The following DNAI4 variants were observed in gnomAD, a reference collection of about 807,000 sequenced individuals.
DNAI4 encodes WD repeat domain 78.
A neutral mutation model predicts 105.8 loss-of-function variants in DNAI4; 85 were observed. That is an observed-to-expected ratio of 0.80 (90% CI 0.67 to 0.96). The LOEUF (loss-of-function observed/expected upper bound fraction) is 0.96. Among genes scored for constraint, DNAI4 ranks in the 40% least tolerant of loss-of-function variants. The pLI, the probability that DNAI4 is intolerant of heterozygous loss-of-function variation, is 0.00. For missense variants in DNAI4, 1,014 were observed against 1,005.6 expected, an observed-to-expected ratio of 1.01 and a Z score of -0.11; for synonymous variants, 352 against 331.5, an observed-to-expected ratio of 1.06 and a Z score of -0.67.
At chr1:66,914,750 CTTCT>C (rs1649937372) in intron 1 of DNAI4, among the ~76,000 whole-genome samples, 1 of 151,874 alleles carries the variant, frequency 6.6e-6, no homozygotes, top group Admixed American at 6.6e-5. Flanking sequence ...ATAAAATGTC[CTTCT>C]ATTTGCATGC....
At chr1:66,885,359 A>G (rs1647171264) in intron 4 of DNAI4, among the ~76,000 whole-genome samples, 1 of 152,184 alleles carries the variant, frequency 6.6e-6, no homozygotes, top group South Asian at 2.1e-4. Context: ...CATTTCTTTC[A>G]GAGCTGGTCT....
intron 1 of DNAI4, among the ~76,000 whole-genome samples, chr1:66,918,854 A>G (rs948174641): frequency 1.3e-5 from 2 of 152,162 alleles, no homozygotes; most frequent in African/African-American, 4.8e-5. Context: ...CAAAATTACT[A>G]AGCTAAGGGA....
At chr1:66,833,963 G>T (rs1557904827) in intron 12 of DNAI4, 28 bp downstream of exon 12, 3 of 1,565,102 alleles carry the variant, frequency 1.9e-6, no homozygotes, top group Non-Finnish European at 2.6e-6. Flanking sequence ...CACGTAACAA[G>T]AAAAATATAA....
intron 4 of DNAI4, among the ~76,000 whole-genome samples, chr1:66,884,166 T>C (rs1647141308): frequency 6.6e-6 from 1 of 152,226 alleles, no homozygotes; most frequent in South Asian, 2.1e-4. Context: ...AGAATTTCCT[T>C]CCTTTTAAGG....
intron 1 of DNAI4, among the ~76,000 whole-genome samples, chr1:66,910,073 C>A (rs2100854361): frequency 6.6e-6 from 1 of 152,166 alleles, no homozygotes; most frequent in South Asian, 2.1e-4. Context: ...AAGGGTTGGG[C>A]ACAGTGACTT....
At chr1:66,863,688 C>A (rs1393479975) in intron 6 of DNAI4, among the ~76,000 whole-genome samples, 1 of 152,070 alleles carries the variant, frequency 6.6e-6, no homozygotes, top group East Asian at 1.9e-4. Context: ...GATCTCCTGA[C>A]CTTAAGTGAT....
intron 4 of DNAI4, among the ~76,000 whole-genome samples, chr1:66,882,984 G>A (rs904513490): frequency 6.6e-6 from 1 of 151,576 alleles, no homozygotes; most frequent in African/African-American, 2.4e-5. Flanking sequence ...GGCTTTCTGT[G>A]TATAGATTCT....
At chr1:66,822,074 C>A (rs1371452367) in intron 16 of DNAI4, among the ~76,000 whole-genome samples, 2 of 151,576 alleles carry the variant, frequency 1.3e-5, no homozygotes, top group African/African-American at 4.8e-5. Context: ...TATTAAGTCC[C>A]AATTACATAC....
intron 4 of DNAI4, among the ~76,000 whole-genome samples, chr1:66,881,149 G>T (rs1389859309): frequency 6.6e-6 from 1 of 152,244 alleles, no homozygotes; most frequent in East Asian, 1.9e-4. Flanking sequence ...GAAGTTTGCT[G>T]CAGGGGCAGG....
chr1:66,821,664 TG>T (rs1470382917), intron 16 of DNAI4, among the ~76,000 whole-genome samples: 1 of 152,206 alleles, frequency 6.6e-6, no homozygotes, highest in African/African-American at 2.4e-5. Context: ...GTGAATGACC[TG>T]TTCCTGACCA....
At chr1:66,820,191 G>A (rs1480915685) in intron 16 of DNAI4, among the ~76,000 whole-genome samples, 1 of 151,902 alleles carries the variant, frequency 6.6e-6, no homozygotes, top group East Asian at 1.9e-4. Flanking sequence ...AAAGCCATTA[G>A]GATTACATTC....
At chr1:66,923,572 C>T (rs551440829) in intron 1 of DNAI4, among the ~76,000 whole-genome samples, 1 of 152,322 alleles carries the variant, frequency 6.6e-6, no homozygotes, top group Admixed American at 6.5e-5. Context: ...CCGACCGACA[C>T]TGCTTCATTC....
At chr1:66,823,579 T>G (rs1645682115) in intron 15 of DNAI4, among the ~76,000 whole-genome samples, 1 of 149,016 alleles carries the variant, frequency 6.7e-6, no homozygotes, top group Admixed American at 6.7e-5. Context: ...TGTTGTTTCC[T>G]GACTTTTTAA....
At position 66,814,691 on chromosome 1, in the gene DNAI4, G is replaced by A. The variant is rs117600437; in HGVS notation, c.2497-511C>T. Reference sequence around the variant, plus strand: ...CCAAAAGACTCTTTTAATGAATTCCGATAAACGATTTTATAAAGATTCAGT... The same window carrying A: ...CCAAAAGACTCTTTTAATGAATTCCAATAAACGATTTTATAAAGATTCAGT... On this transcript the variant is annotated intron_variant, in intron 16 of 16. Coordinates refer to ENST00000371026, the MANE Select transcript of DNAI4 (RefSeq NM_024763.5). Among the ~76,000 whole-genome samples, 372 of 152,216 alleles carry A rather than the reference G, an allele frequency of 2.4e-3. 2 individuals carry two copies. Among genetic ancestry groups the A allele is most frequent in the East Asian group, 0.017 (90 of 5,186 alleles).
chr1:66,850,925 T>C (rs755928048), intron 7 of DNAI4, among the ~76,000 whole-genome samples: 4 of 151,550 alleles, frequency 2.6e-5, no homozygotes, highest in African/African-American at 4.8e-5. Context: ...AGGAAGAAGA[T>C]AAGAGTGAAA....
chr1:66,862,397 A>G (rs1646646507), intron 6 of DNAI4, 95 bp from the exon 7 acceptor site: 13 of 1,308,192 alleles, frequency 9.9e-6, no homozygotes, highest in African/African-American at 1.5e-5. Flanking sequence ...CTAAGATAAG[A>G]ATATCTACTA....
chr1:66,858,460 G>C (rs1183545597), intron 7 of DNAI4, among the ~76,000 whole-genome samples: 2 of 147,838 alleles, frequency 1.4e-5, no homozygotes, highest in Non-Finnish European at 3.0e-5. Context: ...GTGAACCCAG[G>C]AGGCCGGGCT....
chr1:66,824,847 G>A (rs1645715170), intron 15 of DNAI4, among the ~76,000 whole-genome samples: 1 of 152,156 alleles, frequency 6.6e-6, no homozygotes, highest in African/African-American at 2.4e-5. Context: ...CATAATGTGG[G>A]TAGGCTTCAT....
intron 8 of DNAI4, among the ~76,000 whole-genome samples, chr1:66,840,962 C>T (rs1320685778): frequency 6.6e-6 from 1 of 152,206 alleles, no homozygotes; most frequent in Non-Finnish European, 1.5e-5. Flanking sequence ...AAGAGACTCA[C>T]TAGGCATTGT....
Sources: allele counts gnomAD v4.1 joint callset (sites outside exome capture counted in the v4.1 genomes callset), GRCh38; gene constraint gnomAD v4.1.1; transcripts MANE v1.5; gene names NCBI Gene and HGNC (gene_info 2026-07-23, HGNC 2026-07-21).